CEP41: variants seen among roughly 807,000 people sequenced by gnomAD.
CEP41 encodes the protein centrosomal protein of 41 kDa.
A neutral mutation model predicts 44.3 loss-of-function variants in CEP41; 32 were observed. That is an observed-to-expected ratio of 0.72 (90% CI 0.54 to 0.97). CEP41 has a LOEUF of 0.97. CEP41 is among the 50% of genes least tolerant of loss of function. The pLI, the probability that CEP41 is intolerant of heterozygous loss-of-function variation, is 0.00. For missense variants in CEP41, 432 were observed against 455.2 expected (o/e 0.95, Z 0.46); for synonymous variants, 151 against 168.5 (o/e 0.90, Z 0.80).
intron 10 of CEP41, 84 bp from the exon 11 acceptor site, chr7:130,399,123 T>A: frequency 6.5e-7 from 1 of 1,543,824 alleles, no homozygotes; most frequent in Non-Finnish European, 8.9e-7. Flanking sequence ...GCTAATGAAG[T>A]CCTAGCCTAC....
In CEP41 at chr7:130,397,505, C is replaced by T. The variant is rs1554415230; in HGVS notation, c.*1386G>A. Reference sequence around the variant, plus strand: ...CCCCCATGCTAGAAATACTGTGGTGCATTTTTTTTTTTTTTTTTTTTTTTT... The same window carrying T: ...CCCCCATGCTAGAAATACTGTGGTGTATTTTTTTTTTTTTTTTTTTTTTTT... On this transcript the variant is annotated 3_prime_UTR_variant, in exon 11 of 11. Coordinates refer to ENST00000223208, the MANE Select transcript of CEP41 (RefSeq NM_018718.3). 5 of 371,228 alleles carry T rather than the reference C, an allele frequency of 1.3e-5. No individual in the cohort carries two copies. The highest frequency in any genetic ancestry group is 7.3e-5 in the Admixed American group (2 of 27,454). The allele number at this position is 371,228 out of a possible 1,614,324, so 23.0% of individuals were successfully genotyped here. A position where few individuals can be genotyped will look rare whatever the true frequency, so the allele number is the denominator to read the frequency against.
chr7:130,436,575 T>C (rs1009992921), intron 1 of CEP41, among the ~76,000 whole-genome samples: 21 of 145,618 alleles, frequency 1.4e-4, no homozygotes, highest in Non-Finnish European at 2.3e-4. Flanking sequence ...TTTGATACTG[T>C]ACTGTACTCA....
rs2117565108 is a variant in CEP41, at chr7:130,402,734, G to A, written c.488C>T (p.Thr163Ile). The A allele has an allele frequency of 6.2e-7, 1 of 1,614,144 alleles. No homozygotes were observed. The highest frequency in any genetic ancestry group is 8.5e-7 in the Non-Finnish European group (1 of 1,180,002). ...GCAGTCAGGATAAGGTTTGTCTTTG[G>A]TATGGGGCTCTGCTTTCTTCACTGG... is the stretch of plus-strand genomic sequence containing the variant. The part of the protein sequence containing the change: ...KGPVKKAEPH[T>I]KDKPYPDCPF... Residue 163 changes from threonine (T) to isoleucine (I), a missense_variant, in exon 7 of 11, where the codon ACC (threonine) becomes ATC (isoleucine). Coordinates refer to ENST00000223208, the MANE Select transcript of CEP41 (RefSeq NM_018718.3).
At chr7:130,425,154 C>A (rs868925897) in intron 2 of CEP41, among the ~76,000 whole-genome samples, 1 of 152,132 alleles carries the variant, frequency 6.6e-6, no homozygotes, top group Non-Finnish European at 1.5e-5. Flanking sequence ...GGGCTGGGTG[C>A]GGTGGCTCAT....
chr7:130,420,799 A>G, intron 2 of CEP41: 2 of 634,452 alleles, frequency 3.2e-6, no homozygotes, highest in Non-Finnish European at 3.9e-6. Flanking sequence ...ATAAATAGGA[A>G]AAATACACAT....
At chr7:130,431,807 A>C (rs1421865799) in intron 1 of CEP41, among the ~76,000 whole-genome samples, 2 of 152,322 alleles carry the variant, frequency 1.3e-5, no homozygotes, top group African/African-American at 2.4e-5. Context: ...GAGAGGCAGC[A>C]GGGGCAGATC....
At position 130,396,991 on chromosome 7, in the gene CEP41, C is replaced by T. The variant is rs782559682; in HGVS notation, c.*1900G>A. 2.6e-5 allele frequency: 12 copies of T among 454,484 alleles called. No homozygotes were observed. Among genetic ancestry groups the T allele is most frequent in the Middle Eastern group, 6.9e-4 (1 of 1,444 alleles). 28.2% of individuals were successfully genotyped at this position (454,484 alleles called of 1,614,324 possible). Reference sequence around the variant, plus strand: ...GAAGTCTCAACTCCTGACAAGTCACCTTTAAAACAGCATAACCAGAACTTT... The same window carrying T: ...GAAGTCTCAACTCCTGACAAGTCACTTTTAAAACAGCATAACCAGAACTTT... On this transcript the variant is annotated 3_prime_UTR_variant, in exon 11 of 11. Coordinates refer to ENST00000223208, the MANE Select transcript of CEP41 (RefSeq NM_018718.3).
intron 4 of CEP41, 69 bp from the exon 5 acceptor site, chr7:130,411,260 C>T (rs1196406390): frequency 7.8e-7 from 1 of 1,282,866 alleles, no homozygotes; most frequent in African/African-American, 1.5e-5. Context: ...TTGTCTTTTA[C>T]AAAAGACGAG....
At chr7:130,419,481 A>G in intron 2 of CEP41, 4 of 984,808 alleles carry the variant, frequency 4.1e-6, no homozygotes, top group Non-Finnish European at 4.8e-6. Context: ...ACCTTTTAAA[A>G]AGATTGGAAA....
intron 1 of CEP41, among the ~76,000 whole-genome samples, chr7:130,439,238 C>A (rs1554426917): frequency 6.6e-6 from 1 of 152,058 alleles, no homozygotes; most frequent in African/African-American, 2.4e-5. Flanking sequence ...ATCTTTCCTC[C>A]AGCTTACTTT....
Position 130,398,000 on chromosome 7 carries a change from G to A in CEP41, c.*891C>T, listed in dbSNP as rs1178553316. 1 of 454,418 alleles carries A rather than the reference G, an allele frequency of 2.2e-6. No individual in the cohort carries two copies. The highest frequency in any genetic ancestry group is 4.4e-6 in the Non-Finnish European group (1 of 226,798). The allele number at this position is 454,418 out of a possible 1,614,324, so 28.1% of individuals were successfully genotyped here. A position where few individuals can be genotyped will look rare whatever the true frequency, so the allele number is the denominator to read the frequency against. ...GTCCTCTTCACCTTGTGTGTCCACA[G>A]TTGTCCAACCAAAGCTGGTATTTTC... is the stretch of plus-strand genomic sequence containing the variant. On this transcript the variant is annotated 3_prime_UTR_variant, in exon 11 of 11. Transcript: ENST00000223208.
At chr7:130,403,364 G>C (rs1584871887) in intron 6 of CEP41, among the ~76,000 whole-genome samples, 1 of 152,288 alleles carries the variant, frequency 6.6e-6, no homozygotes, top group East Asian at 1.9e-4. Context: ...CGAGGCTTTA[G>C]ATTTGGTGGC....
In CEP41 at chr7:130,417,157, C is replaced by T. The variant is rs980674719; in HGVS notation, c.98-191G>A. 6 of 1,396,518 alleles carry T rather than the reference C, an allele frequency of 4.3e-6. No homozygotes were observed. The South Asian group carries it at 4.6e-5, about 11-fold the overall frequency. 86.5% of individuals were successfully genotyped at this position (1,396,518 alleles called of 1,614,324 possible). On this transcript the variant is annotated intron_variant, in intron 2 of 10. Transcript: ENST00000223208. ...ACAGCGTTATTAAAAGTTGCAGAGC[C>T]GAGGGAAATGTTTTGGTAGAATGTG...
At position 130,397,956 on chromosome 7, in the gene CEP41, C is replaced by T. The variant is rs1554415532; in HGVS notation, c.*935G>A. On this transcript the variant is annotated 3_prime_UTR_variant, in exon 11 of 11. Transcript: ENST00000223208. ...AGCAAGGGCTTACGAGGTTGTCAGCCCTGACAAAGGACTTCGGAGTCCTCT... is the reference window on the plus strand; with the variant it reads ...AGCAAGGGCTTACGAGGTTGTCAGCTCTGACAAAGGACTTCGGAGTCCTCT... 2.2e-6 allele frequency: 1 copy of T among 454,522 alleles called. No individual in the cohort carries two copies. The highest frequency in any genetic ancestry group is 2.0e-5 in the African/African-American group (1 of 50,130). 28.2% of individuals were successfully genotyped at this position (454,522 alleles called of 1,614,324 possible).
intron 2 of CEP41, among the ~76,000 whole-genome samples, chr7:130,418,801 C>A (rs1385679129): frequency 1.3e-5 from 2 of 152,136 alleles, no homozygotes; most frequent in Non-Finnish European, 2.9e-5. Context: ...AGGTGGGGAT[C>A]ATCTTGTGTT....
rs371925259 is a variant in CEP41 at position 130,402,817 on chromosome 7, G to T, written c.423-18C>A. 87 of 1,614,060 alleles carry T rather than the reference G, an allele frequency of 5.4e-5. No individual in the cohort carries two copies. In the African/African-American group the frequency reaches 8.0e-4, roughly 15 times the overall value. On this transcript the variant is annotated intron_variant, in intron 6 of 10. Transcript: ENST00000223208. ...TGATGACACTGCAAGTGAAAAAGTA[G>T]GTCAGCAGAAACTAGTCAGAGGTTG...
rs1326076990 is a variant in CEP41 at position 130,398,337 on chromosome 7, T to C, written c.*554A>G. The C allele has an allele frequency of 4.4e-6, 2 of 453,918 alleles. No individual in the cohort carries two copies. The highest frequency in any genetic ancestry group is 2.3e-5 in the Admixed American group (1 of 42,560). The allele number at this position is 453,918 out of a possible 1,614,324, so 28.1% of individuals were successfully genotyped here. On this transcript the variant is annotated 3_prime_UTR_variant, in exon 11 of 11. Transcript: ENST00000223208. ...CATACTCAAAACAGGGCCTGCAATA[T>C]GCTGGGCAGAGAGCTCCTTGCTGAG...
At position 130,395,532 on chromosome 7, in the gene CEP41, C is replaced by G. The variant is rs1473135374; in HGVS notation, c.*3359G>C. On this transcript the variant is annotated 3_prime_UTR_variant, in exon 11 of 11. Transcript: ENST00000223208. The stretch of plus-strand genomic sequence containing the variant: ...GGATTTAAATCCAGGTGGACAGAAA[C>G]TAATTATTCGCTCTAAAAAAGTCAG... 12 of 453,950 alleles carry G rather than the reference C, an allele frequency of 2.6e-5. No homozygotes were observed. Among genetic ancestry groups the G allele is most frequent in the Non-Finnish European group, 4.4e-5 (10 of 226,786 alleles). 28.1% of individuals were successfully genotyped at this position (453,950 alleles called of 1,614,324 possible).
chr7:130,416,922 T>C lies in CEP41; in HGVS notation c.142A>G (p.Lys48Glu). ...AACCATCAAGAGTGTTACTTACTTT[T>C]CTTAATCTCTTCGAGCTTCTCAGTA... ...KYTEKLEEIK[K>E]NYRYKKDELF... The change falls in exon 3 of 11, where the codon AAA (lysine) becomes GAA (glutamate). Residue 48 changes from lysine (K) to glutamate (E), a missense_variant. Lys to Glu is a moderately conservative substitution (Grantham distance 56). Transcript: ENST00000223208. 1 of 1,587,356 alleles carries C rather than the reference T, an allele frequency of 6.3e-7. No individual in the cohort carries two copies. Among genetic ancestry groups the C allele is most frequent in the South Asian group, 1.1e-5 (1 of 90,524 alleles).
Sources: gnomAD v4.1 joint callset for allele counts (sites outside exome capture counted in the v4.1 genomes callset) on GRCh38, gnomAD v4.1.1 for gene constraint, MANE v1.5 for transcripts, NCBI Gene and HGNC (gene_info 2026-07-23, HGNC 2026-07-21) for gene names.